Variants in FER1L6 observed in about 807,000 individuals in gnomAD.
The protein encoded by FER1L6 is fer-1-like protein 6.
FER1L6 carries 177 observed loss-of-function variants against 219.2 expected under a neutral mutation model. The ratio of observed to expected loss-of-function variants is 0.81; its 90% CI spans 0.71 to 0.91. The LOEUF is 0.91. Ranked by LOEUF, FER1L6 falls within the 40% of genes least tolerant of loss-of-function variation. FER1L6 has a pLI of 0.00. For missense variants in FER1L6, 2,153 were observed against 2,259.9 expected, an observed-to-expected ratio of 0.95 and a Z score of 0.96; for synonymous variants, 768 against 824.3, an observed-to-expected ratio of 0.93 and a Z score of 1.17.
intron 28 of FER1L6, 39 bp from the exon 29 acceptor site, chr8:124,069,321 A>G (rs1359179751): frequency 1.4e-6 from 2 of 1,452,610 alleles, no homozygotes; most frequent in Non-Finnish European, 1.9e-6. Context: ...TCTCATCTCA[A>G]CCGCCATGAG....
At chr8:124,032,687 G>A (rs1272172237) in intron 18 of FER1L6, among the ~76,000 whole-genome samples, 2 of 151,380 alleles carry the variant, frequency 1.3e-5, no homozygotes, top group African/African-American at 4.9e-5. Context: ...TTTGTAGTGA[G>A]CTGAGACTGC....
At chr8:124,073,542 T>A (rs563063383) in intron 31 of FER1L6, among the ~76,000 whole-genome samples, 1 of 152,334 alleles carries the variant, frequency 6.6e-6, no homozygotes, top group African/African-American at 2.4e-5. Context: ...AAAACTCGCA[T>A]AAAGAAATAA....
rs78681508 is a variant in FER1L6 at position 123,896,743 on chromosome 8, T to C, written c.-8+44558T>C. The stretch of plus-strand genomic sequence containing the variant: ...TGTCTGTGGTTGTCACTATGTAAAA[T>C]AGTATCTGTCTCTAGGTAGAAAATA... On this transcript the variant is annotated intron_variant, in intron 1 of 40. Coordinates refer to ENST00000522917, the MANE Select transcript of FER1L6 (RefSeq NM_001039112.2). Among the ~76,000 whole-genome samples, 670 of 152,314 alleles carry C rather than the reference T, an allele frequency of 4.4e-3. 3 individuals carry two copies. Among genetic ancestry groups the C allele is most frequent in the African/African-American group, 0.015 (621 of 41,578 alleles).
chr8:124,048,039 G>C (rs967560865), intron 21 of FER1L6, among the ~76,000 whole-genome samples: 4 of 152,164 alleles, frequency 2.6e-5, no homozygotes, highest in African/African-American at 9.7e-5. Context: ...CAAATTGTTA[G>C]GCAGATCACT....
At chr8:123,974,673 A>G (rs1815979246) in intron 7 of FER1L6, among the ~76,000 whole-genome samples, 1 of 146,690 alleles carries the variant, frequency 6.8e-6, no homozygotes, top group African/African-American at 2.6e-5. Flanking sequence ...AAAAAAAAAA[A>G]AAAAAAAAAG....
intron 5 of FER1L6, 149 bp from the exon 6 acceptor site, chr8:123,969,886 A>T: frequency 1.7e-6 from 1 of 576,078 alleles, no homozygotes. Flanking sequence ...AAAAAAAAAA[A>T]GAGAATTGAC....
At chr8:124,080,452 G>A (rs1200987189) in intron 32 of FER1L6, among the ~76,000 whole-genome samples, 2 of 152,004 alleles carry the variant, frequency 1.3e-5, no homozygotes, top group Non-Finnish European at 2.9e-5. Context: ...CAAGTAGCTG[G>A]GACTACAGAC....
intron 1 of FER1L6, among the ~76,000 whole-genome samples, chr8:123,948,779 CT>C (rs71576718): frequency 1.7e-3 from 250 of 143,358 alleles, no homozygotes; most frequent in Middle Eastern, 3.6e-3. Context: ...GGCATCTTGT[CT>C]TTTTTTTTTT....
chr8:124,023,008 T>C (rs1818525923), intron 17 of FER1L6, among the ~76,000 whole-genome samples: 1 of 152,234 alleles, frequency 6.6e-6, no homozygotes, highest in African/African-American at 2.4e-5. Context: ...CTCCGCCTCC[T>C]GGGTTCAAGC....
chr8:123,945,851 A>G (rs1814462655), intron 1 of FER1L6, among the ~76,000 whole-genome samples: 1 of 152,232 alleles, frequency 6.6e-6, no homozygotes, highest in African/African-American at 2.4e-5. Context: ...TTCAGCATTG[A>G]ACTGCTTTTG....
intron 33 of FER1L6, among the ~76,000 whole-genome samples, chr8:124,084,071 G>A (rs1031723324): frequency 1.3e-5 from 2 of 151,318 alleles, no homozygotes; most frequent in Non-Finnish European, 2.9e-5. Flanking sequence ...ATTGTTCACT[G>A]TTGGCATACA....
At chr8:124,078,638 A>C (rs551081007) in intron 32 of FER1L6, among the ~76,000 whole-genome samples, 2 of 151,648 alleles carry the variant, frequency 1.3e-5, no homozygotes, top group Non-Finnish European at 2.9e-5. Flanking sequence ...ATATTGAGAG[A>C]GCATCAAATA....
At chr8:124,038,482 C>A (rs115764378) in intron 19 of FER1L6, among the ~76,000 whole-genome samples, 1,594 of 152,236 alleles carry the variant, frequency 0.01, 34 homozygotes, top group African/African-American at 0.036. Flanking sequence ...CTTTGCACTA[C>A]CCCAGTGATG....
intron 12 of FER1L6, among the ~76,000 whole-genome samples, chr8:123,995,819 T>C (rs1164553579): frequency 2.0e-5 from 3 of 152,302 alleles, no homozygotes; most frequent in Admixed American, 2.0e-4. Flanking sequence ...AACATTCCTC[T>C]TAGTACTGCT....
chr8:123,906,523 G>A (rs578131917), intron 1 of FER1L6, among the ~76,000 whole-genome samples: 1 of 152,254 alleles, frequency 6.6e-6, no homozygotes, highest in East Asian at 1.9e-4. Flanking sequence ...ATTGTGGCTG[G>A]GTGCAGTGGC....
chr8:123,999,419 G>A (rs915244894), intron 12 of FER1L6, among the ~76,000 whole-genome samples: 3 of 152,226 alleles, frequency 2.0e-5, no homozygotes, highest in Non-Finnish European at 4.4e-5. Flanking sequence ...GCCAAGCCAG[G>A]TGGATCACTT....
At chr8:124,017,583 G>T in intron 15 of FER1L6, 45 bp from the exon 16 acceptor site, 2 of 1,423,032 alleles carry the variant, frequency 1.4e-6, no homozygotes, top group Non-Finnish European at 2.0e-6. Flanking sequence ...TATATAAATG[G>T]ATTTTCACTA....
intron 7 of FER1L6, among the ~76,000 whole-genome samples, chr8:123,974,516 G>A (rs1266750047): frequency 6.6e-6 from 1 of 151,660 alleles, no homozygotes; most frequent in South Asian, 2.1e-4. Flanking sequence ...CACACCTGTA[G>A]TCCCAGCTAC....
chr8:124,038,661 G>A (rs901235990), intron 19 of FER1L6, among the ~76,000 whole-genome samples: 1 of 152,076 alleles, frequency 6.6e-6, no homozygotes, highest in Non-Finnish European at 1.5e-5. Flanking sequence ...TTATTACCTC[G>A]ATTTTACAAA....
Sources: allele counts gnomAD v4.1 joint callset (sites outside exome capture counted in the v4.1 genomes callset), GRCh38; gene constraint gnomAD v4.1.1; transcripts MANE v1.5; gene names NCBI Gene and HGNC (gene_info 2026-07-23, HGNC 2026-07-21).